The following DCLK1 variants were observed in gnomAD, a reference collection of about 807,000 sequenced individuals.
The protein encoded by DCLK1 is doublecortin like kinase 1, also known as serine/threonine-protein kinase DCLK1.
In DCLK1, 16 loss-of-function variants were observed where a neutral mutation model predicts 86.2. The observed-to-expected ratio is 0.19, with a 90% CI of 0.13 to 0.28. The LOEUF (loss-of-function observed/expected upper bound fraction) is 0.28. DCLK1 is among the 10% of genes least tolerant of loss of function. The pLI is 1.00. For synonymous variants in DCLK1, 369 were observed against 370.5 expected, an observed-to-expected ratio of 1.00 and a Z score of 0.05; for missense variants, 590 against 940.2, an observed-to-expected ratio of 0.63 and a Z score of 4.87.
intron 3 of DCLK1, among the ~76,000 whole-genome samples, chr13:36,098,985 T>TA (rs972206540): frequency 6.6e-6 from 1 of 151,950 alleles, no homozygotes; most frequent in African/African-American, 2.4e-5. Context: ...TTTTTTTTTT[T>TA]TGAGAGAGTT....
At chr13:36,018,747 TAA>T (rs1274102892) in intron 3 of DCLK1, among the ~76,000 whole-genome samples, 1 of 152,210 alleles carries the variant, frequency 6.6e-6, no homozygotes, top group Non-Finnish European at 1.5e-5. Context: ...GGCAAAATTT[TAA>T]AAGTGTATCC....
intron 4 of DCLK1, among the ~76,000 whole-genome samples, chr13:35,901,163 A>G (rs1347889702): frequency 2.0e-5 from 3 of 152,136 alleles, no homozygotes; most frequent in Non-Finnish European, 4.4e-5. Flanking sequence ...ATAAAAACTG[A>G]AAGATAAAAC....
intron 3 of DCLK1, among the ~76,000 whole-genome samples, chr13:35,956,937 G>T (rs1878019950): frequency 6.6e-6 from 1 of 152,108 alleles, no homozygotes; most frequent in South Asian, 2.1e-4. Flanking sequence ...CCATTCAAAA[G>T]CATTCATATA....
At chr13:35,872,729 A>G (rs1358501149) in intron 4 of DCLK1, among the ~76,000 whole-genome samples, 2 of 146,458 alleles carry the variant, frequency 1.4e-5, no homozygotes, top group Admixed American at 1.3e-4. Context: ...TTTCCCCTTC[A>G]ATATCACTAC....
chr13:36,043,337 T>A, intron 3 of DCLK1, among the ~76,000 whole-genome samples: 1 of 151,230 alleles, frequency 6.6e-6, no homozygotes, highest in Non-Finnish European at 1.5e-5. Flanking sequence ...AAAAAAAAAC[T>A]TTATTAAAAG....
At chr13:35,903,656 C>CAT (rs1874514014) in intron 4 of DCLK1, among the ~76,000 whole-genome samples, 1 of 149,202 alleles carries the variant, frequency 6.7e-6, no homozygotes. Context: ...TATACATACA[C>CAT]ACACACACAC....
At chr13:36,083,584 A>C (rs1036626978) in intron 3 of DCLK1, among the ~76,000 whole-genome samples, 1 of 152,262 alleles carries the variant, frequency 6.6e-6, no homozygotes, top group African/African-American at 2.4e-5. Flanking sequence ...AAAGTGGAAT[A>C]GATTCTAAGA....
chr13:35,956,620 A>G (rs1187900424), intron 3 of DCLK1, among the ~76,000 whole-genome samples: 5 of 152,276 alleles, frequency 3.3e-5, no homozygotes, highest in Non-Finnish European at 7.3e-5. Context: ...TCAAGTTCTC[A>G]TCACCAATGC....
intron 4 of DCLK1, among the ~76,000 whole-genome samples, chr13:35,899,376 A>T (rs866942760): frequency 0.012 from 1,793 of 144,070 alleles, 32 homozygotes; most frequent in African/African-American, 0.037. Context: ...TGTGAGAGAG[A>T]GAGAGAGAGA....
intron 3 of DCLK1, among the ~76,000 whole-genome samples, chr13:35,985,680 G>A (rs1879868984): frequency 6.6e-6 from 1 of 152,202 alleles, no homozygotes; most frequent in African/African-American, 2.4e-5. Context: ...TGGGACTGAG[G>A]GATTTGGCAG....
chr13:35,958,048 T>TCACCACTATAACCACTAGCACCAC (rs1878129726), intron 3 of DCLK1, among the ~76,000 whole-genome samples: 2 of 11,212 alleles, frequency 1.8e-4, no homozygotes, highest in African/African-American at 7.5e-4. Flanking sequence ...ACCACCACCA[T>TCACCACTATAACCACTAGCACCAC]CACCACTATA....
chr13:36,095,573 T>C (rs571248673), intron 3 of DCLK1, among the ~76,000 whole-genome samples: 26 of 152,238 alleles, frequency 1.7e-4, no homozygotes, highest in African/African-American at 5.1e-4. Context: ...GCAAGAAAAT[T>C]AAAGATGATC....
At chr13:35,879,449 T>C (rs1382085499) in intron 4 of DCLK1, among the ~76,000 whole-genome samples, 3 of 152,224 alleles carry the variant, frequency 2.0e-5, no homozygotes, top group Non-Finnish European at 2.9e-5. Context: ...ACTGTTCTGA[T>C]AGTATGAATG....
chr13:35,806,950 A>G (rs1233829650), intron 14 of DCLK1, among the ~76,000 whole-genome samples: 1 of 152,242 alleles, frequency 6.6e-6, no homozygotes, highest in East Asian at 1.9e-4. Flanking sequence ...CAAAGTGGTC[A>G]TGTCTGAGGG....
Position 36,090,064 on chromosome 13 carries a change from C to T in DCLK1, c.723+21805G>A, listed in dbSNP as rs925970261. On this transcript the variant is annotated intron_variant, in intron 3 of 16. Transcript: ENST00000360631. ...TAATGCACTTTGCCTTCATAAACTA[C>T]GACATGCCCTCCAATACATTATAAA... Among the ~76,000 whole-genome samples, 3 of 152,180 alleles carry T rather than the reference C, an allele frequency of 2.0e-5. No homozygotes were observed. In the East Asian group the frequency reaches 5.8e-4, roughly 29 times the overall value.
chr13:35,908,795 C>T (rs1874827907), intron 4 of DCLK1, among the ~76,000 whole-genome samples: 1 of 152,062 alleles, frequency 6.6e-6, no homozygotes, highest in South Asian at 2.1e-4. Context: ...ACCATCATGC[C>T]CAGCAAATTT....
intron 3 of DCLK1, among the ~76,000 whole-genome samples, chr13:36,098,967 T>C (rs1023947064): frequency 1.4e-5 from 2 of 146,088 alleles, no homozygotes; most frequent in African/African-American, 5.1e-5. Context: ...TTAATATTAT[T>C]TGGATTTTTT....
At chr13:36,039,494 A>G (rs1882625668) in intron 3 of DCLK1, among the ~76,000 whole-genome samples, 1 of 152,188 alleles carries the variant, frequency 6.6e-6, no homozygotes, top group Non-Finnish European at 1.5e-5. Context: ...ATTTTTTTTC[A>G]GCACCACTTT....
intron 3 of DCLK1, among the ~76,000 whole-genome samples, chr13:36,104,656 G>A (rs1032125882): frequency 6.6e-6 from 1 of 151,762 alleles, no homozygotes; most frequent in African/African-American, 2.4e-5. Flanking sequence ...CACAGAGAAG[G>A]TATTCAACAA....
Sources: allele counts gnomAD v4.1 joint callset (sites outside exome capture counted in the v4.1 genomes callset), GRCh38; gene constraint gnomAD v4.1.1; transcripts MANE v1.5; gene names NCBI Gene and HGNC (gene_info 2026-07-23, HGNC 2026-07-21).